The following SOX5 variants were observed in gnomAD, a reference collection of about 807,000 sequenced individuals.
SOX5 encodes the protein transcription factor SOX-5.
In SOX5, 9 loss-of-function variants were observed where a neutral mutation model predicts 92.0. The observed-to-expected ratio is 0.10, with a 90% CI of 0.06 to 0.17. SOX5 has a LOEUF of 0.17. Among genes scored for constraint, SOX5 ranks in the 10% least tolerant of loss-of-function variants. The pLI is 1.00. For synonymous variants in SOX5, 344 were observed against 336.3 expected (o/e 1.02, Z -0.25); for missense variants, 642 against 944.5 (o/e 0.68, Z 4.20).
At chr12:24,432,083 G>A (rs1159751064) in intron 1 of SOX5, among the ~76,000 whole-genome samples, 2 of 152,144 alleles carry the variant, frequency 1.3e-5, no homozygotes, top group African/African-American at 4.8e-5. Context: ...AAGATTGGCA[G>A]ACTGGGGACA....
intron 4 of SOX5, among the ~76,000 whole-genome samples, chr12:24,009,398 G>T (rs185423610): frequency 6.6e-6 from 1 of 151,036 alleles, no homozygotes; most frequent in Non-Finnish European, 1.5e-5. Flanking sequence ...CTGCTTGTGT[G>T]GTCTTATATA....
chr12:23,845,840 T>C (rs922540079), intron 3 of SOX5, 143 bp downstream of exon 3: 26 of 661,060 alleles, frequency 3.9e-5, no homozygotes, highest in Non-Finnish European at 6.8e-5. Flanking sequence ...GAAAAAAATA[T>C]ACCAACCGTC....
chr12:24,113,094 G>C (rs867966704), intron 4 of SOX5, among the ~76,000 whole-genome samples: 1 of 151,256 alleles, frequency 6.6e-6, no homozygotes, highest in Non-Finnish European at 1.5e-5. Context: ...TGCTTATTTA[G>C]ACAAAATCAA....
At chr12:24,124,505 A>G (rs113077482) in intron 4 of SOX5, among the ~76,000 whole-genome samples, 63 of 151,692 alleles carry the variant, frequency 4.2e-4, no homozygotes, top group Middle Eastern at 3.4e-3. Context: ...ATTAGCATAC[A>G]TTAAAATTAC....
upstream of SOX5, among the ~76,000 whole-genome samples, chr12:23,951,214 G>C (rs1448844235): frequency 6.6e-6 from 1 of 152,064 alleles, no homozygotes; most frequent in East Asian, 1.9e-4. Flanking sequence ...TCTGGAAATG[G>C]AGCAGACAAT....
intron 2 of SOX5, among the ~76,000 whole-genome samples, chr12:24,345,197 A>T (rs1308685568): frequency 2.6e-5 from 4 of 152,236 alleles, no homozygotes; most frequent in African/African-American, 9.6e-5. Context: ...AAATAAATTC[A>T]CTGTAATGTA....
rs1179939653 is a variant in SOX5 at position 24,392,258 on chromosome 12, A to G, written c.-250-23619T>C. Among the ~76,000 whole-genome samples the G allele has an allele frequency of 2.6e-5, 4 of 152,102 alleles. No individual in the cohort carries two copies. In the South Asian group the frequency reaches 8.3e-4, roughly 32 times the overall value. The stretch of plus-strand genomic sequence containing the variant: ...CCTCCAGTCTGTCTATTCTCCCCAC[A>G]GTAGCCACAGTAAGCTTTGCAAAAT... On this transcript the variant is annotated intron_variant, in intron 1 of 4. Coordinates refer to the SOX5 transcript ENST00000446891.
At chr12:23,911,465 G>C (rs1024000906) in intron 1 of SOX5, among the ~76,000 whole-genome samples, 4 of 152,078 alleles carry the variant, frequency 2.6e-5, no homozygotes, top group African/African-American at 9.6e-5. Context: ...TTACAAAAAT[G>C]AACAGCAGAG....
intron 1 of SOX5, among the ~76,000 whole-genome samples, chr12:24,444,482 C>G (rs919815758): frequency 2.0e-5 from 3 of 152,090 alleles, no homozygotes; most frequent in African/African-American, 4.8e-5. Context: ...ATTTGAATTC[C>G]CCCATAGGAG....
At chr12:23,949,850 A>C, upstream of SOX5, 1 of 435,168 alleles carries the variant, frequency 2.3e-6, no homozygotes, top group Non-Finnish European at 4.1e-6. Context: ...CAGTCTCTTA[A>C]AGGGGTAGTG....
chr12:24,408,376 G>A (rs1040247027), intron 1 of SOX5, among the ~76,000 whole-genome samples: 20 of 152,222 alleles, frequency 1.3e-4, no homozygotes, highest in African/African-American at 4.6e-4. Flanking sequence ...AACACAGAGA[G>A]ATCCTGGGCA....
intron 1 of SOX5, among the ~76,000 whole-genome samples, chr12:24,444,671 G>A (rs966581804): frequency 7.4e-4 from 112 of 152,150 alleles, no homozygotes; most frequent in African/African-American, 2.6e-3. Flanking sequence ...AAAGGAAGCC[G>A]CCTCATCCAA....
At chr12:23,551,060 T>C (rs1021136219) in intron 11 of SOX5, among the ~76,000 whole-genome samples, 2 of 151,848 alleles carry the variant, frequency 1.3e-5, no homozygotes, top group Non-Finnish European at 1.5e-5. Flanking sequence ...ATAATGGACA[T>C]CCCTGAAATA....
chr12:24,539,099 C>G (rs887440558), intron 1 of SOX5, among the ~76,000 whole-genome samples: 1 of 152,034 alleles, frequency 6.6e-6, no homozygotes, highest in African/African-American at 2.4e-5. Context: ...CTCATCCCCC[C>G]TTTAAGAAAA....
chr12:24,312,361 C>T (rs1464650248), intron 2 of SOX5, among the ~76,000 whole-genome samples: 1 of 152,164 alleles, frequency 6.6e-6, no homozygotes, highest in Non-Finnish European at 1.5e-5. Flanking sequence ...CGATTCTTTG[C>T]CCACTGGTAT....
At chr12:23,789,244 AAC>A (rs1491141474) in intron 3 of SOX5, among the ~76,000 whole-genome samples, 5 of 151,894 alleles carry the variant, frequency 3.3e-5, no homozygotes, top group African/African-American at 7.3e-5. Flanking sequence ...AAAAAAAAAA[AAC>A]ATTAAATTAT....
chr12:23,760,692 C>G (rs1343703478), intron 3 of SOX5, among the ~76,000 whole-genome samples: 2 of 152,206 alleles, frequency 1.3e-5, no homozygotes, highest in East Asian at 3.9e-4. Flanking sequence ...AACTCTCACT[C>G]CTTTTTCCCT....
intron 4 of SOX5, among the ~76,000 whole-genome samples, chr12:24,017,014 A>G (rs1419972506): frequency 6.6e-6 from 1 of 152,242 alleles, no homozygotes; most frequent in Non-Finnish European, 1.5e-5. Context: ...GGTGGAAATA[A>G]TAAAAAGGAA....
At chr12:23,703,357 T>C (rs541834467) in intron 6 of SOX5, among the ~76,000 whole-genome samples, 145 of 152,122 alleles carry the variant, frequency 9.5e-4, no homozygotes, top group Middle Eastern at 3.4e-3. Flanking sequence ...CATATGTTAG[T>C]GTAATTAATG....
Sources: gnomAD v4.1 joint callset for allele counts (sites outside exome capture counted in the v4.1 genomes callset) on GRCh38, gnomAD v4.1.1 for gene constraint, MANE v1.5 for transcripts, NCBI Gene and HGNC (gene_info 2026-07-23, HGNC 2026-07-21) for gene names.